NPNT: variants seen among roughly 807,000 people sequenced by gnomAD.
NPNT encodes the protein preosteoblast EGF-like repeat protein with MAM domain.
NPNT carries 45 observed loss-of-function variants against 68.6 expected under a neutral mutation model. The ratio of observed to expected loss-of-function variants is 0.66; its 90% CI spans 0.52 to 0.84. The LOEUF (loss-of-function observed/expected upper bound fraction) is 0.84. Ranked by LOEUF, NPNT falls within the 40% of genes least tolerant of loss-of-function variation. NPNT has a pLI of 0.00. For synonymous variants in NPNT, 233 were observed against 253.3 expected (o/e 0.92, Z 0.76); for missense variants, 672 against 714.8 (o/e 0.94, Z 0.68).
chr4:105,932,592 T>C (rs780342672), intron 3 of NPNT: 528 of 1,517,684 alleles, frequency 3.5e-4, no homozygotes, highest in Non-Finnish European at 4.4e-4. Context: ...TTGACTCTTA[T>C]TACCTTCTTC....
chr4:105,912,517 GAC>G (rs1029007854), intron 2 of NPNT: 7 of 613,486 alleles, frequency 1.1e-5, no homozygotes, highest in Admixed American at 1.0e-4. Flanking sequence ...TAAGCTAAAG[GAC>G]AGTTTATGTT....
intron 2 of NPNT, among the ~76,000 whole-genome samples, chr4:105,915,841 C>CA (rs1727771657): frequency 6.6e-6 from 1 of 152,174 alleles, no homozygotes. Flanking sequence ...CTATTCTACT[C>CA]AAACCTTCCT....
rs191796813 is a variant in NPNT, at chr4:105,901,208, A to G, written c.172+3207A>G. On this transcript the variant is annotated intron_variant, in intron 2 of 11. Coordinates refer to ENST00000379987, the MANE Select transcript of NPNT (RefSeq NM_001033047.3). Reference sequence around the variant, plus strand: ...TATTTCATCTTTAAAAGCTGTGTACACTGTGGAAACAATTGTTAACCAAAA... The same window carrying G: ...TATTTCATCTTTAAAAGCTGTGTACGCTGTGGAAACAATTGTTAACCAAAA... Among the ~76,000 whole-genome samples, 378 of 152,316 alleles carry G rather than the reference A, an allele frequency of 2.5e-3. 7 individuals carry two copies. The highest frequency in any genetic ancestry group is 3.2e-4 in the Non-Finnish European group (22 of 68,026).
rs537590045 is a variant in NPNT at position 105,943,433 on chromosome 4, G to T, written c.1159+731G>T. Among the ~76,000 whole-genome samples, 141 of 152,274 alleles carry T rather than the reference G, an allele frequency of 9.3e-4. No individual in the cohort carries two copies. The Middle Eastern group carries it at 0.024, about 26-fold the overall frequency. ...TGTCAGGGACAGATGAGAGAAGCTGGACAGCTACCCCTTGGATTGCTGTAA... is the reference window on the plus strand; with the variant it reads ...TGTCAGGGACAGATGAGAGAAGCTGTACAGCTACCCCTTGGATTGCTGTAA... On this transcript the variant is annotated intron_variant, in intron 8 of 11. Coordinates refer to ENST00000379987, the MANE Select transcript of NPNT (RefSeq NM_001033047.3).
chr4:105,957,739 CTGCCTGGGGCAGAATCA>C (rs1269598456), intron 8 of NPNT, among the ~76,000 whole-genome samples: 8 of 152,172 alleles, frequency 5.3e-5, no homozygotes, highest in Admixed American at 2.0e-4. Flanking sequence ...GAATTTGATT[CTGCCTGGGGCAGAATCA>C]CTCCACAGAG....
chr4:105,918,993 G>A (rs1014948743), intron 2 of NPNT, among the ~76,000 whole-genome samples: 8 of 152,048 alleles, frequency 5.3e-5, no homozygotes, highest in South Asian at 2.1e-4. Flanking sequence ...CACATTTCCC[G>A]AGTGGTAGAG....
intron 8 of NPNT, among the ~76,000 whole-genome samples, chr4:105,953,670 TC>T (rs1424041913): frequency 6.6e-6 from 1 of 152,200 alleles, no homozygotes; most frequent in African/African-American, 2.4e-5. Flanking sequence ...TACGCTCCAA[TC>T]TGTGTCTCTA....
chr4:105,910,035 A>G (rs189151800), intron 2 of NPNT, among the ~76,000 whole-genome samples: 4 of 152,146 alleles, frequency 2.6e-5, no homozygotes, highest in Non-Finnish European at 4.4e-5. Context: ...AAATGAAACT[A>G]TACATGAGAA....
chr4:105,905,774 C>G (rs550092670), intron 2 of NPNT, among the ~76,000 whole-genome samples: 1 of 152,144 alleles, frequency 6.6e-6, no homozygotes, highest in South Asian at 2.1e-4. Context: ...GAGGACATAT[C>G]TAAAGACATT....
At chr4:105,924,750 GCTACAGCCTGGGGGC>G (rs368889505) in intron 2 of NPNT, among the ~76,000 whole-genome samples, 240 of 152,266 alleles carry the variant, frequency 1.6e-3, no homozygotes, top group African/African-American at 5.4e-3. Flanking sequence ...GGGTCCAAAG[GCTACAGCCTGGGGGC>G]CTCAAGTTTA....
chr4:105,970,953 A>C lies in NPNT; in HGVS notation c.*1963A>C. 1 of 303,590 alleles carries C rather than the reference A, an allele frequency of 3.3e-6. No individual in the cohort carries two copies. The highest frequency in any genetic ancestry group is 6.6e-6 in the Non-Finnish European group (1 of 151,590). 18.8% of individuals were successfully genotyped at this position (303,590 alleles called of 1,614,324 possible). The stretch of plus-strand genomic sequence containing the variant: ...ATGGCAATCCTAGCAGTATTAAAGA[A>C]AAAAGGAAACTATTTATTCCAAATG... On this transcript the variant is annotated 3_prime_UTR_variant, in exon 12 of 12. Transcript: ENST00000379987.
intron 2 of NPNT, among the ~76,000 whole-genome samples, chr4:105,901,265 G>A (rs550988881): frequency 6.6e-6 from 1 of 152,240 alleles, no homozygotes; most frequent in South Asian, 2.1e-4. Flanking sequence ...CTGAGTTCAA[G>A]TTCTGACTTT....
At chr4:105,900,192 C>G (rs1038765821) in intron 2 of NPNT, among the ~76,000 whole-genome samples, 1 of 152,212 alleles carries the variant, frequency 6.6e-6, no homozygotes, top group Admixed American at 6.5e-5. Context: ...ATTCTCCCTT[C>G]CTCATCAGAG....
At chr4:105,897,805 G>T in intron 1 of NPNT, 96 bp from the exon 2 acceptor site, 2 of 921,052 alleles carry the variant, frequency 2.2e-6, no homozygotes, top group Non-Finnish European at 1.7e-6. Context: ...AAAATTGTTG[G>T]GTGTGGTTGA....
intron 6 of NPNT, 95 bp downstream of exon 6, chr4:105,940,304 A>G (rs1578647165): frequency 7.6e-7 from 1 of 1,309,698 alleles, no homozygotes; most frequent in South Asian, 1.2e-5. Flanking sequence ...GGGGCAGGGG[A>G]GAGTACTGGC....
chr4:105,895,952 C>T, intron 1 of NPNT: 1 of 544,900 alleles, frequency 1.8e-6, no homozygotes, highest in Non-Finnish European at 3.3e-6. Context: ...CGCGGCCCCC[C>T]GAGGGCGACT....
chr4:105,932,991 G>A (rs961971764), intron 3 of NPNT, among the ~76,000 whole-genome samples: 1 of 152,056 alleles, frequency 6.6e-6, no homozygotes, highest in Admixed American at 6.5e-5. Flanking sequence ...TTCATATGTA[G>A]GCAAATTCAG....
At chr4:105,914,363 C>CTA (rs1362634901) in intron 2 of NPNT, among the ~76,000 whole-genome samples, 2 of 135,582 alleles carry the variant, frequency 1.5e-5, no homozygotes, top group African/African-American at 5.5e-5. Context: ...TTCTCTCTCT[C>CTA]TCTCTCTCTC....
chr4:105,961,166 C>A (rs1256509092), intron 10 of NPNT, among the ~76,000 whole-genome samples: 2 of 152,168 alleles, frequency 1.3e-5, no homozygotes, highest in Non-Finnish European at 2.9e-5. Flanking sequence ...CCAAACCACT[C>A]TGTACTACTC....
Sources: allele counts gnomAD v4.1 joint callset (sites outside exome capture counted in the v4.1 genomes callset), GRCh38; gene constraint gnomAD v4.1.1; transcripts MANE v1.5; gene names NCBI Gene and HGNC (gene_info 2026-07-23, HGNC 2026-07-21).